Variants in PRKAG2 observed in about 807,000 individuals in gnomAD.
The protein encoded by PRKAG2 is protein kinase AMP-activated non-catalytic subunit gamma 2.
A neutral mutation model predicts 69.6 loss-of-function variants in PRKAG2; 26 were observed. That is an observed-to-expected ratio of 0.37 (90% CI 0.27 to 0.52). The LOEUF is 0.52. Among genes scored for constraint, PRKAG2 ranks in the 20% least tolerant of loss-of-function variants. The probability of loss-of-function intolerance (pLI) is 0.90; values close to 1 mark genes in which losing one functional copy is unlikely to be tolerated. For synonymous variants in PRKAG2, 293 were observed against 285.0 expected (o/e 1.03, Z -0.28); for missense variants, 557 against 740.0 (o/e 0.75, Z 2.87).
At chr7:151,724,362 C>T (rs770241823) in intron 3 of PRKAG2, among the ~76,000 whole-genome samples, 4 of 152,188 alleles carry the variant, frequency 2.6e-5, no homozygotes, top group Non-Finnish European at 4.4e-5. Context: ...GTCATCCTCT[C>T]AGCAAGCCCA....
chr7:151,698,407 C>T lies in PRKAG2; in HGVS notation c.467-22770G>A, dbSNP rs552225368. ...TAGGTGTTTTGTCCCCTCCGAATCT[C>T]ATGTTGAAATGCGACCCCCGAGTTG... On this transcript the variant is annotated intron_variant, in intron 3 of 15. Coordinates refer to ENST00000287878, the MANE Select transcript of PRKAG2 (RefSeq NM_016203.4). 3.2e-3 allele frequency among the ~76,000 whole-genome samples: 491 copies of T among 151,932 alleles called. 3 individuals carry two copies. Among genetic ancestry groups the T allele is most frequent in the African/African-American group, 0.011 (462 of 41,406 alleles).
Position 151,763,409 on chromosome 7 carries a change from TC to T in PRKAG2, c.466+17742del, listed in dbSNP as rs1296949255. The stretch of plus-strand genomic sequence containing the variant: ...TCTTTGGTGAAACCCCATCATGTGG[TC>T]CCACCCTGACCGCAGGGGTGGGCTG... On this transcript the variant is annotated intron_variant, in intron 3 of 15. Coordinates refer to ENST00000287878, the MANE Select transcript of PRKAG2 (RefSeq NM_016203.4). Among the ~76,000 whole-genome samples, 5 of 152,326 alleles carry T rather than the reference TC, an allele frequency of 3.3e-5. No individual in the cohort carries two copies. The East Asian group carries it at 9.7e-4, about 29-fold the overall frequency.
Position 151,775,528 on chromosome 7 carries a change from C to T in PRKAG2, c.466+5624G>A, listed in dbSNP as rs75455751. Among the ~76,000 whole-genome samples the T allele has an allele frequency of 2.9e-3, 441 of 152,078 alleles. 21 individuals are homozygous for T. In the East Asian group the frequency reaches 0.072, roughly 25 times the overall value. ...ATTGTTTGCTTGTTAAAAAAGTGGTCGTGTGAATATAAAAGAAGAGGGACG... is the reference window on the plus strand; with the variant it reads ...ATTGTTTGCTTGTTAAAAAAGTGGTTGTGTGAATATAAAAGAAGAGGGACG... On this transcript the variant is annotated intron_variant, in intron 3 of 15. Transcript: ENST00000287878.
chr7:151,596,607 G>A (rs1814593399), intron 5 of PRKAG2, among the ~76,000 whole-genome samples: 1 of 152,116 alleles, frequency 6.6e-6, no homozygotes, highest in Non-Finnish European at 1.5e-5. Flanking sequence ...AAATTAGCTG[G>A]GCATGGTGGC....
At chr7:151,620,425 C>T (rs1176590570) in intron 5 of PRKAG2, among the ~76,000 whole-genome samples, 1 of 151,958 alleles carries the variant, frequency 6.6e-6, no homozygotes, top group Non-Finnish European at 1.5e-5. Flanking sequence ...ATCCTCCTAC[C>T]ATGGCCTCCC....
At chr7:151,849,225 G>C (rs1477206890) in intron 1 of PRKAG2, among the ~76,000 whole-genome samples, 1 of 152,250 alleles carries the variant, frequency 6.6e-6, no homozygotes, top group African/African-American at 2.4e-5. Flanking sequence ...TGGGGAAAGG[G>C]GCCTCCGATG....
Position 151,632,194 on chromosome 7 carries a change from CGGCG to C in PRKAG2, c.685-60_685-57del. On this transcript the variant is annotated intron_variant, in intron 4 of 15. Transcript: ENST00000287878. This position sits in a 1 kb window ranked among gnomAD's most constrained non-coding sequence, Gnocchi z 4.2. ...ATGAGCTGCGACGCTCGTCCCCGGC[CGGCG>C]GGCTCGCGGCCGGCCGAGCGCTGGG... is the stretch of plus-strand genomic sequence containing the variant. 1.7e-6 allele frequency: 2 copies of C among 1,196,706 alleles called. No individual in the cohort carries two copies. Among genetic ancestry groups the C allele is most frequent in the Non-Finnish European group, 2.1e-6 (2 of 960,212 alleles). 74.1% of individuals were successfully genotyped at this position (1,196,706 alleles called of 1,614,324 possible). A position where few individuals can be genotyped will look rare whatever the true frequency, so the allele number is the denominator to read the frequency against.
At chr7:151,755,789 A>C (rs552496194) in intron 3 of PRKAG2, among the ~76,000 whole-genome samples, 1 of 152,306 alleles carries the variant, frequency 6.6e-6, no homozygotes, top group East Asian at 1.9e-4. Flanking sequence ...TGCTGGGCAG[A>C]GTCATTTCCA....
chr7:151,820,990 A>C (rs2078756721), intron 1 of PRKAG2, among the ~76,000 whole-genome samples: 1 of 2,412 alleles, frequency 4.1e-4, no homozygotes, highest in Admixed American at 2.4e-3. Flanking sequence ...CATTGCTGGG[A>C]CCCAAGAAAA....
chr7:151,702,887 G>A (rs942214503), intron 3 of PRKAG2, among the ~76,000 whole-genome samples: 2 of 152,230 alleles, frequency 1.3e-5, no homozygotes, highest in African/African-American at 4.8e-5. Flanking sequence ...TGGAATGCCA[G>A]AAGCTGGGGG....
intron 1 of PRKAG2, among the ~76,000 whole-genome samples, chr7:151,795,890 TC>T (rs2077509365): frequency 7.2e-5 from 7 of 96,594 alleles, no homozygotes; most frequent in African/African-American, 2.6e-4. Flanking sequence ...TATATATATA[TC>T]ACGATAATAT....
At chr7:151,718,633 AAAAAC>A (rs1796559310) in intron 3 of PRKAG2, among the ~76,000 whole-genome samples, 2 of 141,402 alleles carry the variant, frequency 1.4e-5, no homozygotes, top group African/African-American at 5.8e-5. Context: ...AAAAAAACCC[AAAAAC>A]AAAACAAACA....
intron 5 of PRKAG2, among the ~76,000 whole-genome samples, chr7:151,610,739 C>CT (rs10523596): frequency 0.47 from 49,191 of 103,888 alleles, 14,271 homozygotes; most frequent in East Asian, 0.61. Context: ...TTTTTCTTTT[C>CT]TTTTTTTTTT....
chr7:151,574,001 A>G (rs1225436490), intron 8 of PRKAG2, among the ~76,000 whole-genome samples: 1 of 151,648 alleles, frequency 6.6e-6, no homozygotes, highest in East Asian at 1.9e-4. Flanking sequence ...CTGGTCTCCA[A>G]CTCCTGACCT....
At chr7:151,860,702 C>T (rs972733687) in intron 1 of PRKAG2, among the ~76,000 whole-genome samples, 7 of 152,090 alleles carry the variant, frequency 4.6e-5, no homozygotes, top group Non-Finnish European at 1.0e-4. Context: ...ACAGCAAATG[C>T]CCCAAGGAGA....
intron 3 of PRKAG2, among the ~76,000 whole-genome samples, chr7:151,722,048 A>G (rs1256125693): frequency 6.6e-6 from 1 of 152,040 alleles, no homozygotes; most frequent in Admixed American, 6.5e-5. Context: ...TGAGCTGGCT[A>G]TTGTTTCCTG....
chr7:151,647,304 G>C (rs1444991524), intron 4 of PRKAG2, among the ~76,000 whole-genome samples: 1 of 152,188 alleles, frequency 6.6e-6, no homozygotes, highest in Non-Finnish European at 1.5e-5. Context: ...GTTTGAGTTG[G>C]AATTCTCTGC....
chr7:151,669,882 T>TTGCATGCACATACC (rs1554526923), intron 4 of PRKAG2, among the ~76,000 whole-genome samples: 1 of 73,164 alleles, frequency 1.4e-5, no homozygotes, highest in East Asian at 3.2e-4. Context: ...GCACACACAG[T>TTGCATGCACATACC]TGCATGCACA....
At chr7:151,851,814 T>C (rs1026966981) in intron 1 of PRKAG2, among the ~76,000 whole-genome samples, 1 of 151,996 alleles carries the variant, frequency 6.6e-6, no homozygotes, top group Non-Finnish European at 1.5e-5. Context: ...ATCATCATCG[T>C]CTATGAAATG....
Sources: gnomAD v4.1 joint callset for allele counts (sites outside exome capture counted in the v4.1 genomes callset) on GRCh38, gnomAD v4.1.1 for gene constraint, Gnocchi (gnomAD v3.1) non-coding constraint, MANE v1.5 for transcripts, NCBI Gene and HGNC (gene_info 2026-07-23, HGNC 2026-07-21) for gene names.